The following SIGLEC1 variants were observed in gnomAD, a reference collection of about 807,000 sequenced individuals.
SIGLEC1 encodes sialic acid binding Ig like lectin 1.
A neutral mutation model predicts 148.0 loss-of-function variants in SIGLEC1; 132 were observed. The ratio of observed to expected loss-of-function variants is 0.89; its 90% confidence interval spans 0.77 to 1.03. The LOEUF (loss-of-function observed/expected upper bound fraction) is 1.03, where lower values mean the gene tolerates loss of function less well. Among genes scored for constraint, SIGLEC1 ranks in the 50% least tolerant of loss-of-function variants. The pLI is 0.00. For missense variants in SIGLEC1, 2,253 were observed against 2,271.4 expected (o/e 0.99, Z 0.16); for synonymous variants, 945 against 969.0 (o/e 0.98, Z 0.46).
chr20:3,699,131 TG>T (rs549041278), intron 8 of SIGLEC1, 70 bp downstream of exon 8: 33 of 1,556,516 alleles, frequency 2.1e-5, no homozygotes, highest in Non-Finnish European at 2.4e-5. Context: ...AGGACAGGGC[TG>T]GGGGGCCTAG....
Position 3,694,792 on chromosome 20 carries a change from C to T in SIGLEC1, c.2815G>A (p.Glu939Lys), listed in dbSNP as rs1045599345. The T allele has an allele frequency of 4.3e-6, 7 of 1,613,492 alleles. No individual in the cohort carries two copies. Among genetic ancestry groups the T allele is most frequent in the African/African-American group, 2.7e-5 (2 of 74,896 alleles). Residue 939 changes from glutamate (E) to lysine (K), a missense_variant, in exon 12 of 22, where the codon GAG becomes AAG. Glu to Lys is a moderately conservative substitution (Grantham distance 56). Transcript: ENST00000344754. ...AAGCGGAGCGTGGCCGAGGTCGACT[C>T]CTGGAGGGGCTGGCCATCCCGATAC... ...RWYRDGQPLQ[E>K]STSATLRFAA...
chr20:3,701,662 G>A, intron 6 of SIGLEC1, 21 bp from the exon 7 acceptor site: 1 of 1,532,134 alleles, frequency 6.5e-7, no homozygotes, highest in Non-Finnish European at 8.8e-7. Context: ...ACGAGAGGTG[G>A]GCCTGTCACC....
intron 1 of SIGLEC1, among the ~76,000 whole-genome samples, chr20:3,709,883 A>C (rs2087919115): frequency 6.6e-6 from 1 of 152,232 alleles, no homozygotes; most frequent in Admixed American, 6.5e-5. Context: ...GTAGAATAGG[A>C]TAGAGGTAAC....
chr20:3,704,234 G>T (rs529217825), intron 4 of SIGLEC1, 143 bp from the exon 5 acceptor site: 3 of 781,146 alleles, frequency 3.8e-6, no homozygotes, highest in Admixed American at 5.2e-5. Flanking sequence ...CTCACCCAGG[G>T]CATGCTCTGT....
At position 3,694,256 on chromosome 20, in the gene SIGLEC1, C is replaced by A. The variant is rs776471499; in HGVS notation, c.3221G>T (p.Gly1074Val). 1 of 1,612,550 alleles carries A rather than the reference C, an allele frequency of 6.2e-7. No homozygotes were observed. The highest frequency in any genetic ancestry group is 1.7e-5 in the Admixed American group (1 of 59,986). Reference sequence around the variant, plus strand: ...GAAGTCAGCTGAGGCCGAGGCCTGGCCCAGGGTGTTGGAGGCCTCACAGAT... The same window carrying A: ...GAAGTCAGCTGAGGCCGAGGCCTGGACCAGGGTGTTGGAGGCCTCACAGAT... ...VYICEASNTLGQASASADFDA... is the reference protein window; with the variant it reads ...VYICEASNTLVQASASADFDA... The change falls in exon 13 of 22, where the codon GGC (glycine) becomes GTC (valine). Residue 1074 changes from glycine (G) to valine (V), a missense_variant. Physicochemically the swap from Gly to Val is moderately radical, Grantham distance 109 (BLOSUM62 -3). Transcript: ENST00000344754.
At chr20:3,689,327 G>T in intron 20 of SIGLEC1, 100 bp from the exon 21 acceptor site, 5 of 1,051,096 alleles carry the variant, frequency 4.8e-6, no homozygotes, top group Non-Finnish European at 5.9e-6. Flanking sequence ...CCACAAGAGC[G>T]TGGGAACCTC....
intron 7 of SIGLEC1, among the ~76,000 whole-genome samples, chr20:3,700,499 G>A (rs2087842149): frequency 6.6e-6 from 1 of 151,740 alleles, no homozygotes; most frequent in Non-Finnish European, 1.5e-5. Flanking sequence ...TGGGAGGATG[G>A]CTTGAGCCCA....
At chr20:3,689,848 G>A (rs2088737659) in intron 19 of SIGLEC1, 114 bp downstream of exon 19, 1 of 1,177,198 alleles carries the variant, frequency 8.5e-7, no homozygotes, top group African/African-American at 1.5e-5. Flanking sequence ...AATCAGTTTA[G>A]AGTCGACAGG....
chr20:3,698,368 G>A (rs1177135030), intron 8 of SIGLEC1, among the ~76,000 whole-genome samples: 2 of 152,246 alleles, frequency 1.3e-5, no homozygotes, highest in Non-Finnish European at 2.9e-5. Context: ...CCAGAAGAAG[G>A]AGCACCATTT....
At chr20:3,700,027 C>T (rs969938394) in intron 7 of SIGLEC1, among the ~76,000 whole-genome samples, 3 of 149,024 alleles carry the variant, frequency 2.0e-5, no homozygotes, top group African/African-American at 7.4e-5. Flanking sequence ...AGGCAGATCT[C>T]GAACTCCCGA....
At chr20:3,694,636 A>C in intron 12 of SIGLEC1, 27 bp downstream of exon 12, 1 of 1,595,000 alleles carries the variant, frequency 6.3e-7, no homozygotes, top group Non-Finnish European at 8.6e-7. Context: ...TCCTTCCCCC[A>C]CACCTGGATG....
intron 11 of SIGLEC1, among the ~76,000 whole-genome samples, chr20:3,695,276 G>C (rs1404561985): frequency 6.6e-6 from 1 of 152,202 alleles, no homozygotes; most frequent in Non-Finnish European, 1.5e-5. Flanking sequence ...ACAAATGTTG[G>C]TTCAACCCAT....
chr20:3,690,516 A>G (rs1295624809), intron 18 of SIGLEC1, among the ~76,000 whole-genome samples: 1 of 152,256 alleles, frequency 6.6e-6, no homozygotes, highest in Non-Finnish European at 1.5e-5. Flanking sequence ...AGCCCAGGCC[A>G]GCCTGCTGGG....
Position 3,694,364 on chromosome 20 carries a change from GAGC to G in SIGLEC1, c.3110_3112del (p.Ser1037_Ser1038delinsThr), listed in dbSNP as rs2088800144. ...GGCCACAGCCACATGCAGCCTGGGA[GAGC>G]TGCCTTCGGGTCCCCCCACACCTTG... On this transcript the variant is annotated inframe_deletion, in exon 13 of 22. Transcript: ENST00000344754. The G allele has an allele frequency of 6.2e-7, 1 of 1,613,284 alleles. No individual in the cohort carries two copies. Among genetic ancestry groups the G allele is most frequent in the African/African-American group, 1.3e-5 (1 of 75,046 alleles).
chr20:3,703,521 G>T, intron 5 of SIGLEC1, 70 bp from the exon 6 acceptor site: 1 of 1,516,000 alleles, frequency 6.6e-7, no homozygotes, highest in Non-Finnish European at 8.8e-7. Flanking sequence ...TACAGTCCCC[G>T]GGTCTCAGCC....
At chr20:3,707,414 C>T (rs144268789) in intron 1 of SIGLEC1, among the ~76,000 whole-genome samples, 177 bp from the exon 2 acceptor site, 2 of 152,308 alleles carry the variant, frequency 1.3e-5, no homozygotes, top group African/African-American at 2.4e-5. Context: ...CCTGTGTGTC[C>T]CTTGGCCCTA....
At position 3,703,241 on chromosome 20, in the gene SIGLEC1, A is replaced by C; in HGVS notation, c.1184T>G (p.Val395Gly). Residue 395 changes from valine to glycine, a missense_variant, in exon 6 of 22, where the codon GTC (valine) becomes GGC (glycine). Physicochemically the swap from Val to Gly is moderately radical, Grantham distance 109. Coordinates refer to ENST00000344754, the MANE Select transcript of SIGLEC1 (RefSeq NM_023068.4). ...AGGGCCCGAGCGCTCGCTGCCATGG[A>C]CGTTCTGCACCTCACAGAAGTAGAA... ...TGFYFCEVQN[V>G]HGSERSGPVS... 6.2e-7 allele frequency: 1 copy of C among 1,614,144 alleles called. No homozygotes were observed. The highest frequency in any genetic ancestry group is 1.1e-5 in the South Asian group (1 of 91,076).
Position 3,692,691 on chromosome 20 carries a change from TG to T in SIGLEC1, c.3859del (p.His1287ThrfsTer78). The T allele has an allele frequency of 6.2e-7, 1 of 1,613,024 alleles. No individual in the cohort carries two copies. The highest frequency in any genetic ancestry group is 8.5e-7 in the Non-Finnish European group (1 of 1,180,024). On this transcript the variant is annotated frameshift_variant, in exon 16 of 22. Transcript: ENST00000344754. LOFTEE classifies it high-confidence loss of function. ...ITVTCADPAA[H>X]APTLYTWYHN... is the part of the protein sequence containing the mutation. ...GTACCAAGTATAGAGTGTGGGTGCGTGGGCAGCAGGGTCCGCACAGGTCACT... is the reference window on the plus strand; with the variant it reads ...GTACCAAGTATAGAGTGTGGGTGCGTGGCAGCAGGGTCCGCACAGGTCACT...
At chr20:3,688,965 C>A (rs2088726564) in intron 21 of SIGLEC1, 190 bp downstream of exon 21, 5 of 625,998 alleles carry the variant, frequency 8.0e-6, no homozygotes, top group South Asian at 7.6e-5. Context: ...CCAGCTGACA[C>A]AGGGATTCCC....
Sources: gnomAD v4.1 joint callset for allele counts (sites outside exome capture counted in the v4.1 genomes callset) on GRCh38, gnomAD v4.1.1 for gene constraint, MANE v1.5 for transcripts, NCBI Gene and HGNC (gene_info 2026-07-23, HGNC 2026-07-21) for gene names.